REL: variants seen among roughly 807,000 people sequenced by gnomAD.
REL encodes proto-oncogene c-Rel.
REL carries 15 observed loss-of-function variants against 45.9 expected under a neutral mutation model. That is an observed-to-expected ratio of 0.33 (90% CI 0.22 to 0.50). The LOEUF is 0.50. Among genes scored for constraint, REL ranks in the 20% least tolerant of loss-of-function variants. The pLI is 0.98. For synonymous variants in REL, 239 were observed against 242.1 expected (o/e 0.99, Z 0.12); for missense variants, 601 against 715.2 (o/e 0.84, Z 1.82).
rs141119071 is a variant in REL at position 60,924,021 on chromosome 2, G to A, written c.*1486G>A. ...TGCAGCTCCAGGCACCTTGGCCTCAGTGCTCCTCAAAGCATCAAGTATGCA... is the reference window on the plus strand; with the variant it reads ...TGCAGCTCCAGGCACCTTGGCCTCAATGCTCCTCAAAGCATCAAGTATGCA... On this transcript the variant is annotated 3_prime_UTR_variant, in exon 10 of 10. Transcript: ENST00000394479. The A allele has an allele frequency of 8.6e-6, 2 of 232,838 alleles. No individual in the cohort carries two copies. The highest frequency in any genetic ancestry group is 4.4e-5 in the African/African-American group (2 of 45,412). The allele number at this position is 232,838 out of a possible 1,614,324, so 14.4% of individuals were successfully genotyped here.
rs1674300094 is a variant in REL, at chr2:60,927,746, T to C, written c.*5211T>C. ...CAAGGATAACACATGTAGAGTAAAA[T>C]GCATAAAGGGGACTAATTTTAAATG... On this transcript the variant is annotated 3_prime_UTR_variant, in exon 10 of 10. Transcript: ENST00000394479. The C allele has an allele frequency of 4.4e-6, 1 of 229,172 alleles. No homozygotes were observed. The highest frequency in any genetic ancestry group is 5.7e-5 in the Admixed American group (1 of 17,666). The allele number at this position is 229,172 out of a possible 1,614,324, so 14.2% of individuals were successfully genotyped here. A position where few individuals can be genotyped will look rare whatever the true frequency, so the allele number is the denominator to read the frequency against.
At chr2:60,903,322 C>T (rs532613169) in intron 4 of REL, among the ~76,000 whole-genome samples, 1 of 152,266 alleles carries the variant, frequency 6.6e-6, no homozygotes, top group African/African-American at 2.4e-5. Flanking sequence ...TCCTTGACTC[C>T]AGTGGTAAAG....
chr2:60,922,658 A>G lies in REL; in HGVS notation c.*123A>G. On this transcript the variant is annotated 3_prime_UTR_variant, in exon 10 of 10. Transcript: ENST00000394479. ...TATATATAATACTGACTGAGAATAT[A>G]ATACTGTATTTGAGAATATAAAAAA... 7.5e-7 allele frequency: 1 copy of G among 1,341,762 alleles called. No individual in the cohort carries two copies. The highest frequency in any genetic ancestry group is 1.5e-5 in the African/African-American group (1 of 67,440). The allele number at this position is 1,341,762 out of a possible 1,614,324, so 83.1% of individuals were successfully genotyped here.
rs1053524974 is a variant in REL, at chr2:60,926,915, C to T, written c.*4380C>T. The stretch of plus-strand genomic sequence containing the variant: ...GTTCCAGTTAAAATACCATGTTCTC[C>T]CTATTCCTTATTACATAGCTAGCAT... On this transcript the variant is annotated 3_prime_UTR_variant, in exon 10 of 10. Coordinates refer to ENST00000394479, the MANE Select transcript of REL (RefSeq NM_001291746.2). The T allele has an allele frequency of 8.9e-6, 2 of 223,622 alleles. No individual in the cohort carries two copies. Among genetic ancestry groups the T allele is most frequent in the Admixed American group, 5.7e-5 (1 of 17,404 alleles). 13.9% of individuals were successfully genotyped at this position (223,622 alleles called of 1,614,324 possible). A position where few individuals can be genotyped will look rare whatever the true frequency, so the allele number is the denominator to read the frequency against.
Position 60,922,267 on chromosome 2 carries a change from G to A in REL, c.1496G>A (p.Arg499Lys). Residue 499 changes from arginine to lysine, a missense_variant, in exon 10 of 10, where the codon AGA becomes AAA. Coordinates refer to ENST00000394479, the MANE Select transcript of REL (RefSeq NM_001291746.2). ...TCATGTAATTCAGTGTTAGACCCAA[G>A]AGACTTGAGACAGCTCCATCAGATG... ...NPSCNSVLDP[R>K]DLRQLHQMSS... The A allele has an allele frequency of 6.2e-7, 1 of 1,614,160 alleles. No homozygotes were observed. Among genetic ancestry groups the A allele is most frequent in the Non-Finnish European group, 8.5e-7 (1 of 1,180,010 alleles).
intron 1 of REL, among the ~76,000 whole-genome samples, chr2:60,890,837 A>G (rs1247354304): frequency 1.3e-5 from 2 of 152,152 alleles, no homozygotes; most frequent in East Asian, 1.9e-4. Flanking sequence ...GTGATCTGCT[A>G]TCGTTCATTG....
At chr2:60,921,723 G>A (rs1222732555) in intron 9 of REL, 40 bp from the exon 10 acceptor site, 2 of 1,523,324 alleles carry the variant, frequency 1.3e-6, no homozygotes, top group East Asian at 2.3e-5. Flanking sequence ...TTATAATTTT[G>A]TTCATTTTAA....
intron 1 of REL, among the ~76,000 whole-genome samples, chr2:60,887,110 T>A (rs1040073838): frequency 6.6e-6 from 1 of 152,200 alleles, no homozygotes; most frequent in Admixed American, 6.5e-5. Flanking sequence ...CATAGATGAC[T>A]ACATTTCAAC....
At chr2:60,900,862 A>G (rs1247018220) in intron 3 of REL, 130 bp from the exon 4 acceptor site, 19 of 773,298 alleles carry the variant, frequency 2.5e-5, no homozygotes, top group Non-Finnish European at 3.5e-5. Context: ...TATCAGAGCA[A>G]TTGGAAGCAC....
At chr2:60,893,333 G>T (rs1673267587) in intron 2 of REL, among the ~76,000 whole-genome samples, 1 of 152,124 alleles carries the variant, frequency 6.6e-6, no homozygotes, top group Non-Finnish European at 1.5e-5. Flanking sequence ...TTGAATTCCA[G>T]ATTTCTATTT....
chr2:60,902,261 C>T (rs945852115), intron 4 of REL, among the ~76,000 whole-genome samples: 3 of 152,088 alleles, frequency 2.0e-5, no homozygotes, highest in Admixed American at 1.3e-4. Context: ...TTTTATGAAC[C>T]ATAAGATCTG....
intron 1 of REL, 110 bp from the exon 2 acceptor site, chr2:60,891,573 G>GA (rs987233224): frequency 7.2e-6 from 7 of 974,920 alleles, no homozygotes; most frequent in African/African-American, 1.7e-5. Context: ...ATGTTAGGAG[G>GA]AAAAAAATCT....
intron 1 of REL, among the ~76,000 whole-genome samples, chr2:60,883,375 GAA>G (rs1672996464): frequency 6.6e-6 from 1 of 152,220 alleles, no homozygotes; most frequent in Non-Finnish European, 1.5e-5. Context: ...GTGGTTGTGA[GAA>G]TACTAAGTGT....
chr2:60,902,542 T>C (rs1206320084), intron 4 of REL, among the ~76,000 whole-genome samples: 1 of 151,960 alleles, frequency 6.6e-6, no homozygotes, highest in East Asian at 1.9e-4. Context: ...TGTTTTTTTT[T>C]TTAACAGAAT....
intron 1 of REL, 123 bp downstream of exon 1, chr2:60,881,973 A>G (rs1162368762): frequency 8.1e-6 from 5 of 616,626 alleles, no homozygotes; most frequent in South Asian, 2.8e-5. Context: ...AAAATCTCAT[A>G]TGGTAAAATT....
intron 5 of REL, among the ~76,000 whole-genome samples, 199 bp from the exon 6 acceptor site, chr2:60,917,992 A>T (rs1674029176): frequency 6.6e-6 from 1 of 152,176 alleles, no homozygotes; most frequent in Non-Finnish European, 1.5e-5. Context: ...CATTACCTAG[A>T]AATGAAGCCA....
intron 8 of REL, chr2:60,920,347 T>A (rs1359048678): frequency 1.6e-6 from 1 of 616,546 alleles, no homozygotes; most frequent in South Asian, 2.0e-5. Context: ...ATTACAGGCA[T>A]GTGCCACCAC....
chr2:60,920,361 C>G, intron 8 of REL: 1 of 617,878 alleles, frequency 1.6e-6, no homozygotes, highest in East Asian at 2.8e-5. Flanking sequence ...CCACCACACC[C>G]GGCTAATTTT....
Position 60,922,350 on chromosome 2 carries a change from T to G in REL, c.1579T>G (p.Ser527Ala), listed in dbSNP as rs1240912314. 1 of 1,614,146 alleles carries G rather than the reference T, an allele frequency of 6.2e-7. No individual in the cohort carries two copies. The highest frequency in any genetic ancestry group is 8.5e-7 in the Non-Finnish European group (1 of 1,180,012). ...CAATACTACTGTTTTTGTTTCACAA[T>G]CAGATGCATTTGAGGGATCTGACTT... ...NSNTTVFVSQ[S>A]DAFEGSDFSC... The change falls in exon 10 of 10, where the codon TCA (serine) becomes GCA (alanine). Residue 527 changes from serine (S) to alanine (A), a missense_variant. Transcript: ENST00000394479.
Sources: allele counts gnomAD v4.1 joint callset (sites outside exome capture counted in the v4.1 genomes callset), GRCh38; gene constraint gnomAD v4.1.1; transcripts MANE v1.5; gene names NCBI Gene and HGNC (gene_info 2026-07-23, HGNC 2026-07-21).